Variants in CACNA1E observed in about 807,000 individuals in gnomAD.
CACNA1E encodes voltage-dependent R-type calcium channel subunit alpha-1E.
CACNA1E carries 40 observed loss-of-function variants against 259.2 expected under a neutral mutation model. That is an observed-to-expected ratio of 0.15 (90% CI 0.12 to 0.20). The LOEUF (loss-of-function observed/expected upper bound fraction) is 0.20. Ranked by LOEUF, CACNA1E falls within the 10% of genes least tolerant of loss-of-function variation. The pLI is 1.00. For missense variants in CACNA1E, 1,874 were observed against 3,040.1 expected, an observed-to-expected ratio of 0.62 and a Z score of 9.02; for synonymous variants, 1,104 against 1,138.5, an observed-to-expected ratio of 0.97 and a Z score of 0.61.
intron 6 of CACNA1E, among the ~76,000 whole-genome samples, chr1:181,602,645 C>G (rs1302843584): frequency 6.6e-6 from 1 of 152,170 alleles, no homozygotes; most frequent in Non-Finnish European, 1.5e-5. Flanking sequence ...AGTCTTTGCA[C>G]TAGGCCCTTT....
At chr1:181,350,392 G>A (rs1330617432) in intron 1 of CACNA1E, among the ~76,000 whole-genome samples, 1 of 152,168 alleles carries the variant, frequency 6.6e-6, no homozygotes, top group African/African-American at 2.4e-5. Flanking sequence ...GTGGAGCCCT[G>A]CTCCTCTGGG....
chr1:181,689,135 C>G (rs1168044302), intron 7 of CACNA1E, among the ~76,000 whole-genome samples: 2 of 152,120 alleles, frequency 1.3e-5, no homozygotes, highest in Non-Finnish European at 2.9e-5. Context: ...CTACCCGCCC[C>G]CTGATTCCTT....
intron 40 of CACNA1E, 88 bp downstream of exon 40, chr1:181,783,872 A>G (rs1341416058): frequency 4.8e-6 from 4 of 841,562 alleles, no homozygotes; most frequent in Non-Finnish European, 8.2e-6. Context: ...TTGAACTGTC[A>G]TCTATCCAGT....
intron 2 of CACNA1E, among the ~76,000 whole-genome samples, chr1:181,470,141 G>A (rs2102408036): frequency 6.6e-6 from 1 of 152,168 alleles, no homozygotes; most frequent in Middle Eastern, 3.4e-3. Context: ...ACACAAGTGA[G>A]CGTGAGCGAG....
intron 6 of CACNA1E, among the ~76,000 whole-genome samples, chr1:181,596,688 C>G (rs1040708239): frequency 6.6e-6 from 1 of 152,028 alleles, no homozygotes; most frequent in Admixed American, 6.5e-5. Flanking sequence ...CGTGAATTCT[C>G]TTTTGTACAG....
chr1:181,538,500 G>A (rs562439102), intron 3 of CACNA1E, among the ~76,000 whole-genome samples: 5 of 152,284 alleles, frequency 3.3e-5, no homozygotes, highest in African/African-American at 7.2e-5. Context: ...TGTGTTATAC[G>A]TAAATGTGCA....
rs202226007 is a variant in CACNA1E at position 181,737,641 on chromosome 1, C to T, written c.3539C>T (p.Ser1180Leu). The change falls in exon 23 of 48, where the codon TCG becomes TTG. Residue 1180 changes from serine (S) to leucine (L), a missense_variant. This residue lies in a region of CACNA1E where 56 missense variants were observed against 97.4 expected (regional missense o/e 0.57). Coordinates refer to ENST00000367573, the MANE Select transcript of CACNA1E (RefSeq NM_001205293.3). ...LAAEDPVLTN[S>L]ERNKVLRYFD... ...GCAGAGGACCCCGTCCTGACCAACTCGGAGCGCAACAAAGTGGGTACACAG... is the reference window on the plus strand; with the variant it reads ...GCAGAGGACCCCGTCCTGACCAACTTGGAGCGCAACAAAGTGGGTACACAG... 204 of 1,613,682 alleles carry T rather than the reference C, an allele frequency of 1.3e-4. No individual in the cohort carries two copies. Among genetic ancestry groups the T allele is most frequent in the Admixed American group, 4.0e-4 (24 of 59,996 alleles).
intron 1 of CACNA1E, among the ~76,000 whole-genome samples, chr1:181,337,442 T>C (rs1174558994): frequency 6.6e-6 from 1 of 152,210 alleles, no homozygotes; most frequent in Non-Finnish European, 1.5e-5. Context: ...GCGCTAACCC[T>C]GTACATTTAA....
At chr1:181,788,368 G>T (rs1171540699) in intron 43 of CACNA1E, among the ~76,000 whole-genome samples, 5 of 152,162 alleles carry the variant, frequency 3.3e-5, no homozygotes, top group African/African-American at 1.2e-4. Flanking sequence ...TGATCTAGGG[G>T]TATAGTGGTA....
chr1:181,479,969 A>G (rs1470298668), upstream of CACNA1E, among the ~76,000 whole-genome samples: 2 of 152,192 alleles, frequency 1.3e-5, no homozygotes, highest in Admixed American at 6.5e-5. Context: ...GAAAACTATT[A>G]AACACATGTA....
At chr1:181,775,022 C>T (rs1659854021) in intron 37 of CACNA1E, among the ~76,000 whole-genome samples, 2 of 152,200 alleles carry the variant, frequency 1.3e-5, no homozygotes, top group Admixed American at 1.3e-4. Flanking sequence ...CAGATCTCTG[C>T]CTCCACCTTG....
In CACNA1E at chr1:181,483,967, G is replaced by T. The variant is rs760779420; in HGVS notation, c.223G>T (p.Asp75Tyr). The change falls in exon 1 of 48, where the codon GAT becomes TAT. Residue 75 changes from aspartate to tyrosine, a missense_variant. Coordinates refer to ENST00000367573, the MANE Select transcript of CACNA1E (RefSeq NM_001205293.3). ...VNRSLFIFGE[D>Y]NIVRKYAKKL... ...CAGATCCCTGTTCATCTTCGGAGAA[G>T]ATAACATTGTCAGGAAATATGCCAA... The T allele has an allele frequency of 6.2e-7, 1 of 1,613,812 alleles. No homozygotes were observed. The highest frequency in any genetic ancestry group is 1.1e-5 in the South Asian group (1 of 91,074).
chr1:181,469,794 G>A (rs934636699), intron 2 of CACNA1E, among the ~76,000 whole-genome samples: 1 of 152,156 alleles, frequency 6.6e-6, no homozygotes, highest in African/African-American at 2.4e-5. Flanking sequence ...GAGGCAGGAA[G>A]AGGAAAGCCA....
intron 2 of CACNA1E, among the ~76,000 whole-genome samples, chr1:181,444,328 T>TAAA (rs11370051): frequency 7.5e-5 from 11 of 146,042 alleles, no homozygotes; most frequent in Non-Finnish European, 1.2e-4. Flanking sequence ...ACTGTGCTAT[T>TAAA]AAAAAAAAAA....
intron 1 of CACNA1E, among the ~76,000 whole-genome samples, chr1:181,403,232 T>C (rs993916914): frequency 7.2e-5 from 11 of 151,828 alleles, no homozygotes; most frequent in African/African-American, 2.4e-4. Flanking sequence ...TTTCGAGAAT[T>C]AAGTAAAAAT....
intron 7 of CACNA1E, chr1:181,651,698 T>C (rs926699094): frequency 3.7e-5 from 11 of 296,900 alleles, no homozygotes; most frequent in Non-Finnish European, 5.0e-5. Context: ...TGAGAGTTCA[T>C]TTATTCATCC....
chr1:181,727,755 G>C (rs537928728), intron 18 of CACNA1E, among the ~76,000 whole-genome samples: 39 of 152,296 alleles, frequency 2.6e-4, no homozygotes, highest in African/African-American at 9.1e-4. Flanking sequence ...GGGCATCTGT[G>C]GGAGGGTCCG....
At position 181,657,878 on chromosome 1, in the gene CACNA1E, C is replaced by T. The variant is rs115088242; in HGVS notation, c.1055+6437C>T. Among the ~76,000 whole-genome samples the T allele has an allele frequency of 5.5e-3, 831 of 152,308 alleles. 10 individuals carry two copies. The highest frequency in any genetic ancestry group is 0.019 in the African/African-American group (795 of 41,564). ...TACTCATTCAGTGAGTGTTTGTTGG[C>T]ATTCTTTGTTCGTGCCCAAGCACTG... On this transcript the variant is annotated intron_variant, in intron 7 of 47. Coordinates refer to ENST00000367573, the MANE Select transcript of CACNA1E (RefSeq NM_001205293.3).
chr1:181,572,362 T>C lies in CACNA1E; in HGVS notation c.513-5404T>C, dbSNP rs551765913. ...AAAGACTTGTGCTGCATCATCAGGATTGTATCAATCTCCATTCTCTTCCTA... is the reference window on the plus strand; with the variant it reads ...AAAGACTTGTGCTGCATCATCAGGACTGTATCAATCTCCATTCTCTTCCTA... On this transcript the variant is annotated intron_variant, in intron 3 of 47. Transcript: ENST00000367573. 2.0e-5 allele frequency among the ~76,000 whole-genome samples: 3 copies of C among 152,346 alleles called. No homozygotes were observed. In the South Asian group the frequency reaches 6.2e-4, roughly 32 times the overall value.
Sources: gnomAD v4.1 joint callset for allele counts (sites outside exome capture counted in the v4.1 genomes callset) on GRCh38, gnomAD v4.1.1 for gene constraint, gnomAD v4.1.1 regional missense constraint, MANE v1.5 for transcripts, NCBI Gene and HGNC (gene_info 2026-07-23, HGNC 2026-07-21) for gene names.